Variants in ERCC2 observed in about 807,000 individuals in gnomAD.
The protein encoded by ERCC2 is general transcription and DNA repair factor IIH helicase subunit XPD.
In ERCC2, 90 loss-of-function variants were observed where a neutral mutation model predicts 99.4. The observed-to-expected ratio is 0.91, with a 90% CI of 0.76 to 1.08. ERCC2 has a LOEUF of 1.08. Among genes scored for constraint, ERCC2 ranks in the 50% least tolerant of loss-of-function variants. ERCC2 has a pLI of 0.00. For missense variants in ERCC2, 993 were observed against 1,038.1 expected (o/e 0.96, Z 0.60); for synonymous variants, 497 against 432.4 (o/e 1.15, Z -1.85).
rs1568528187 is a variant in ERCC2 at position 45,350,780 on chromosome 19, ACAT to A, written c.*846_*848del. On this transcript the variant is annotated 3_prime_UTR_variant, in exon 23 of 23. Transcript: ENST00000391945. Reference sequence around the variant, plus strand: ...TTGATCAGGTCGGCAAAGAGCCCTGACATCAGCAGAATCCACAGCCCACCCCAC... The same window carrying A: ...TTGATCAGGTCGGCAAAGAGCCCTGACAGCAGAATCCACAGCCCACCCCAC... 3 of 1,574,750 alleles carry A rather than the reference ACAT, an allele frequency of 1.9e-6. No individual in the cohort carries two copies. Among genetic ancestry groups the A allele is most frequent in the Admixed American group, 1.8e-5 (1 of 55,302 alleles).
chr19:45,369,311 CCTT>C (rs1298459751), intron 2 of ERCC2, among the ~76,000 whole-genome samples, 164 bp from the exon 3 acceptor site: 1 of 152,184 alleles, frequency 6.6e-6, no homozygotes, highest in Non-Finnish European at 1.5e-5. Flanking sequence ...TCTGCCTCCT[CCTT>C]GTTGAGTGGT....
chr19:45,358,397 G>GC, intron 12 of ERCC2: 1 of 207,128 alleles, frequency 4.8e-6, no homozygotes, highest in Non-Finnish European at 9.9e-6. Context: ...TTCGCCCACT[G>GC]CCCCCGACCC....
At chr19:45,364,806 C>G in intron 7 of ERCC2, 32 bp downstream of exon 7, 1 of 1,531,098 alleles carries the variant, frequency 6.5e-7, no homozygotes, top group South Asian at 1.1e-5. Flanking sequence ...CCCTCACACT[C>G]GCCCCTCTGC....
intron 22 of ERCC2, among the ~76,000 whole-genome samples, chr19:45,352,004 G>A (rs238418): frequency 2.0e-5 from 3 of 151,986 alleles, no homozygotes; most frequent in Admixed American, 6.6e-5. Flanking sequence ...TCACCCTGCC[G>A]TGCCTGGGCC....
intron 15 of ERCC2, 115 bp from the exon 16 acceptor site, chr19:45,355,843 C>T (rs1971994749): frequency 3.7e-6 from 3 of 807,616 alleles, no homozygotes; most frequent in Admixed American, 2.1e-5. Flanking sequence ...TAAAGAGAGA[C>T]AGGGTGTCAC....
Position 45,363,883 on chromosome 19 carries a change from G to T in ERCC2, c.978C>A (p.Ala326=), listed in dbSNP as rs746258199. ...QEAVPGSIRT[A]EHFLGFLRRL... ...GCCTCAGGAAGCCCAGGAAATGCTC[G>T]GCCGTGCGGATGGAGCCAGGCACTG... Residue 326 remains alanine, a synonymous_variant, in exon 11 of 23, where the codon GCC becomes GCA. Coordinates refer to ENST00000391945, the MANE Select transcript of ERCC2 (RefSeq NM_000400.4). 1.9e-6 allele frequency: 3 copies of T among 1,550,550 alleles called. No homozygotes were observed. Among genetic ancestry groups the T allele is most frequent in the Admixed American group, 3.8e-5 (2 of 52,988 alleles).
Position 45,351,564 on chromosome 19 carries a change from T to A in ERCC2, c.*65A>T. 1 of 1,609,960 alleles carries A rather than the reference T, an allele frequency of 6.2e-7. No homozygotes were observed. Among genetic ancestry groups the A allele is most frequent in the Non-Finnish European group, 8.5e-7 (1 of 1,179,556 alleles). The stretch of plus-strand genomic sequence containing the variant: ...TAAGACCTTCTAGCACCACCGCCGC[T>A]GGGAACCAGGGCCAGGCAAGACTCA... On this transcript the variant is annotated 3_prime_UTR_variant, in exon 23 of 23. Transcript: ENST00000391945.
At position 45,350,108 on chromosome 19, in the gene ERCC2, G is replaced by A; in HGVS notation, c.*1521C>T. On this transcript the variant is annotated 3_prime_UTR_variant, in exon 23 of 23. Coordinates refer to ENST00000391945, the MANE Select transcript of ERCC2 (RefSeq NM_000400.4). ...CAGGGCAAGGCTTTAGGCAGGGGAAGGATACGGCCAGGTCAGCACATTAGA... is the reference window on the plus strand; with the variant it reads ...CAGGGCAAGGCTTTAGGCAGGGGAAAGATACGGCCAGGTCAGCACATTAGA... 1 of 548,072 alleles carries A rather than the reference G, an allele frequency of 1.8e-6. No homozygotes were observed. Among genetic ancestry groups the A allele is most frequent in the Non-Finnish European group, 3.3e-6 (1 of 306,278 alleles). 34.0% of individuals were successfully genotyped at this position (548,072 alleles called of 1,614,324 possible). A position where few individuals can be genotyped will look rare whatever the true frequency, so the allele number is the denominator to read the frequency against.
rs1017838207 is a variant in ERCC2, at chr19:45,351,157, G to T, written c.*472C>A. ...AGAAGAGACCCAGGACAGGAGCAAA[G>T]ATGGGTTTTACTTGGGGTAGAGGCG... On this transcript the variant is annotated 3_prime_UTR_variant, in exon 23 of 23. Coordinates refer to ENST00000391945, the MANE Select transcript of ERCC2 (RefSeq NM_000400.4). 6.3e-7 allele frequency: 1 copy of T among 1,592,064 alleles called. No homozygotes were observed. The highest frequency in any genetic ancestry group is 1.7e-4 in the Middle Eastern group (1 of 5,890).
rs149943175 is a variant in ERCC2 at position 45,351,493 on chromosome 19, G to A, written c.*136C>T. The A allele has an allele frequency of 6.1e-5, 97 of 1,591,928 alleles. No individual in the cohort carries two copies. The East Asian group carries it at 6.3e-4, about 10-fold the overall frequency. ...CTGGTGGATAGCTGCCTTCTCCTGC[G>A]ATTAAAGGCTGTGGACGTGACAGTG... On this transcript the variant is annotated 3_prime_UTR_variant, in exon 23 of 23. Transcript: ENST00000391945.
rs1466128945 is a variant in ERCC2 at position 45,351,591 on chromosome 19, G to A, written c.*38C>T. 1.9e-6 allele frequency: 3 copies of A among 1,612,130 alleles called. No individual in the cohort carries two copies. Among genetic ancestry groups the A allele is most frequent in the East Asian group, 2.2e-5 (1 of 44,884 alleles). ...GGAACCAGGGCCAGGCAAGACTCAG[G>A]AGTCACCAGGAACCGTTTATGGCCC... On this transcript the variant is annotated 3_prime_UTR_variant, in exon 23 of 23. Coordinates refer to ENST00000391945, the MANE Select transcript of ERCC2 (RefSeq NM_000400.4).
Position 45,363,857 on chromosome 19 carries a change from C to T in ERCC2, c.1004G>A (p.Arg335Gln), listed in dbSNP as rs1324891873. 3 of 1,551,046 alleles carry T rather than the reference C, an allele frequency of 1.9e-6. No individual in the cohort carries two copies. Among genetic ancestry groups the T allele is most frequent in the East Asian group, 4.8e-5 (2 of 41,806 alleles). Residue 335 changes from arginine (R) to glutamine (Q), a missense_variant, in exon 11 of 23, where the codon CGG becomes CAG. Physicochemically the swap from Arg to Gln is conservative, Grantham distance 43. This residue lies in a region of ERCC2 where 909 missense variants were observed against 930.8 expected (regional missense o/e 0.98). Coordinates refer to ENST00000391945, the MANE Select transcript of ERCC2 (RefSeq NM_000400.4). ...TAEHFLGFLR[R>Q]LLEYVKWRLR... ...CCGCCACTTCACGTACTCCAGCAGC[C>T]GCCTCAGGAAGCCCAGGAAATGCTC... is the stretch of plus-strand genomic sequence containing the variant.
At position 45,364,439 on chromosome 19, in the gene ERCC2, C is replaced by T. The variant is rs2123291216; in HGVS notation, c.703G>A (p.Glu235Lys). 6.2e-7 allele frequency: 1 copy of T among 1,613,946 alleles called. No homozygotes were observed. The highest frequency in any genetic ancestry group is 8.5e-7 in the Non-Finnish European group (1 of 1,179,986). ...LARKAVVVFDEAHNIDNVCID... is the reference protein window; with the variant it reads ...LARKAVVVFDKAHNIDNVCID... ...CCCCCCTCACCAATGTTGTGGGCCTCGTCGAAGACCACGACGGCCTTGCGG... is the reference window on the plus strand; with the variant it reads ...CCCCCCTCACCAATGTTGTGGGCCTTGTCGAAGACCACGACGGCCTTGCGG... The change falls in exon 8 of 23, where the codon GAG (glutamate) becomes AAG (lysine). Residue 235 changes from glutamate (E) to lysine (K), a missense_variant. Glu to Lys is a moderately conservative substitution (Grantham distance 56). This residue lies in a region of ERCC2 where 909 missense variants were observed against 930.8 expected (regional missense o/e 0.98). Coordinates refer to ENST00000391945, the MANE Select transcript of ERCC2 (RefSeq NM_000400.4).
intron 15 of ERCC2, among the ~76,000 whole-genome samples, chr19:45,356,433 C>T (rs923804391): frequency 4.6e-5 from 7 of 152,204 alleles, no homozygotes; most frequent in African/African-American, 1.7e-4. Context: ...GAGTTTGACT[C>T]GGGGGAGCTG....
intron 17 of ERCC2, among the ~76,000 whole-genome samples, chr19:45,354,110 A>ACTCAC (rs1971929883): frequency 6.6e-6 from 1 of 151,916 alleles, no homozygotes; most frequent in Non-Finnish European, 1.5e-5. Flanking sequence ...AGCCAAGTTC[A>ACTCAC]CTCACCTCAC....
intron 12 of ERCC2, among the ~76,000 whole-genome samples, chr19:45,359,192 C>T (rs1400946226): frequency 6.7e-6 from 1 of 150,314 alleles, no homozygotes. Context: ...AAGCTGAGAA[C>T]CTAAGGATGA....
intron 1 of ERCC2, 105 bp downstream of exon 1, chr19:45,370,431 C>CAA: frequency 1.0e-6 from 1 of 984,680 alleles, no homozygotes; most frequent in Non-Finnish European, 1.4e-6. Context: ...CCCACCCCTT[C>CAA]ACCCTCCCCT....
chr19:45,353,014 A>G (rs1456867310), intron 19 of ERCC2, 69 bp downstream of exon 19: 4 of 1,517,690 alleles, frequency 2.6e-6, no homozygotes, highest in Non-Finnish European at 3.6e-6. Context: ...GGGAGCAGAC[A>G]GCAGAGCGGG....
Position 45,363,972 on chromosome 19 carries a change from G to T in ERCC2, c.949+14C>A, listed in dbSNP as rs985666804. 2 of 1,538,482 alleles carry T rather than the reference G, an allele frequency of 1.3e-6. No homozygotes were observed. The highest frequency in any genetic ancestry group is 2.0e-5 in the Admixed American group (1 of 51,046). ...GGGAAAGGGACTGGGGGGCAGCGGGGGGTCGGGGCTCACCCTGCAGCACTT... is the reference window on the plus strand; with the variant it reads ...GGGAAAGGGACTGGGGGGCAGCGGGTGGTCGGGGCTCACCCTGCAGCACTT... On this transcript the variant is annotated intron_variant, in intron 10 of 22. Coordinates refer to ENST00000391945, the MANE Select transcript of ERCC2 (RefSeq NM_000400.4).
Sources: allele counts gnomAD v4.1 joint callset (sites outside exome capture counted in the v4.1 genomes callset), GRCh38; gene constraint gnomAD v4.1.1; regional missense constraint gnomAD v4.1.1; transcripts MANE v1.5; gene names NCBI Gene and HGNC (gene_info 2026-07-23, HGNC 2026-07-21).